Variants in MMEL1 observed in about 807,000 individuals in gnomAD.
MMEL1 encodes the protein membrane metallo-endopeptidase-like 1.
A neutral mutation model predicts 117.1 loss-of-function variants in MMEL1; 98 were observed. The ratio of observed to expected loss-of-function variants is 0.84; its 90% CI spans 0.71 to 0.99. MMEL1 has a LOEUF of 0.99. MMEL1 is among the 50% of genes least tolerant of loss of function. MMEL1 has a pLI of 0.00. For synonymous variants in MMEL1, 390 were observed against 415.1 expected (o/e 0.94, Z 0.74); for missense variants, 1,014 against 1,049.1 (o/e 0.97, Z 0.46).
chr1:2,626,722 GT>G (rs1470900057), intron 2 of MMEL1, among the ~76,000 whole-genome samples: 1 of 152,104 alleles, frequency 6.6e-6, no homozygotes, highest in Non-Finnish European at 1.5e-5. Context: ...ATAAAAGAAA[GT>G]TTATAACTTT....
At chr1:2,604,007 G>C (rs908485113) in intron 10 of MMEL1, 34 bp from the exon 11 acceptor site, 13 of 1,608,862 alleles carry the variant, frequency 8.1e-6, no homozygotes, top group Non-Finnish European at 1.1e-5. Context: ...CGGGCGGGTG[G>C]CCAGGATGCC....
At chr1:2,615,515 C>A (rs989341132) in intron 2 of MMEL1, among the ~76,000 whole-genome samples, 4 of 152,072 alleles carry the variant, frequency 2.6e-5, no homozygotes, top group African/African-American at 4.8e-5. Context: ...CCAAGAGGAG[C>A]CTGAGAAGAT....
chr1:2,594,061 C>A (rs1279473743), intron 18 of MMEL1, 128 bp from the exon 19 acceptor site: 28 of 1,270,692 alleles, frequency 2.2e-5, no homozygotes, highest in Non-Finnish European at 2.9e-5. Context: ...GGTCAGGATT[C>A]CCTCAATTTA....
chr1:2,592,786 TG>T (rs773789851), intron 20 of MMEL1, 46 bp downstream of exon 20: 4 of 1,611,682 alleles, frequency 2.5e-6, no homozygotes, highest in Non-Finnish European at 3.4e-6. Context: ...GGGCCAGGGC[TG>T]GGGCTCCGGT....
rs1242247841 is a variant in MMEL1, at chr1:2,606,135, C to T, written c.750+113G>A. 6.1e-6 allele frequency: 5 copies of T among 815,094 alleles called. No individual in the cohort carries two copies. The African/African-American group carries it at 8.4e-5, about 14-fold the overall frequency. 50.5% of individuals were successfully genotyped at this position (815,094 alleles called of 1,614,324 possible). A position where few individuals can be genotyped will look rare whatever the true frequency, so the allele number is the denominator to read the frequency against. On this transcript the variant is annotated intron_variant, in intron 8 of 23. Transcript: ENST00000378412. ...TGGACAGGAGCCAGGAGCCCAGGTC[C>T]CAGGAGACCCCGGAGCTCCCTGTCG...
intron 6 of MMEL1, among the ~76,000 whole-genome samples, chr1:2,608,722 T>C (rs769454422): frequency 2.6e-5 from 4 of 151,960 alleles, no homozygotes; most frequent in African/African-American, 4.8e-5. Context: ...ATATACACTA[T>C]ACACAATACA....
intron 18 of MMEL1, chr1:2,594,166 G>T: frequency 1.6e-5 from 12 of 771,210 alleles, no homozygotes; most frequent in Non-Finnish European, 2.3e-5. Flanking sequence ...TGTTCTGCCT[G>T]CAGGAAAGGC....
At chr1:2,607,919 G>A (rs970936144) in intron 6 of MMEL1, among the ~76,000 whole-genome samples, 10 of 152,158 alleles carry the variant, frequency 6.6e-5, no homozygotes, top group Non-Finnish European at 1.2e-4. Context: ...GGGGAGTGCC[G>A]TCTGACCTCC....
rs749308935 is a variant in MMEL1, at chr1:2,598,873, G to T, written c.1042-83C>A. On this transcript the variant is annotated intron_variant, in intron 11 of 23. Coordinates refer to ENST00000378412, the MANE Select transcript of MMEL1 (RefSeq NM_033467.4). ...TGGGAATCTAAGAAACCCAGCCCCT[G>T]TTGAAGAATGTTCAAGGAATAAGAG... 9.2e-6 allele frequency: 11 copies of T among 1,197,974 alleles called. No individual in the cohort carries two copies. The South Asian group carries it at 1.0e-4, about 11-fold the overall frequency. 74.2% of individuals were successfully genotyped at this position (1,197,974 alleles called of 1,614,324 possible).
At position 2,627,238 on chromosome 1, in the gene MMEL1, C is replaced by T. The variant is rs1268263226; in HGVS notation, c.154+2093G>A. The stretch of plus-strand genomic sequence containing the variant: ...ATTTTATAATTCATACCTAAATTTG[C>T]GTTCACATAGTAATATCGCCTTAAA... On this transcript the variant is annotated intron_variant, in intron 2 of 23. Transcript: ENST00000378412. Among the ~76,000 whole-genome samples, 5 of 152,166 alleles carry T rather than the reference C, an allele frequency of 3.3e-5. No individual in the cohort carries two copies. The South Asian group carries it at 8.3e-4, about 25-fold the overall frequency.
intron 1 of MMEL1, among the ~76,000 whole-genome samples, chr1:2,631,030 TG>T (rs1342257128): frequency 2.6e-5 from 4 of 151,690 alleles, no homozygotes; most frequent in African/African-American, 9.7e-5. Context: ...TGTGCATGAT[TG>T]TGTGTGTGGG....
intron 12 of MMEL1, 40 bp from the exon 13 acceptor site, chr1:2,598,340 GAGGTCTTT>G (rs1456856202): frequency 6.3e-7 from 1 of 1,594,600 alleles, no homozygotes; most frequent in South Asian, 1.1e-5. Context: ...GAACAGGTGA[GAGGTCTTT>G]GCAAGGGAGG....
chr1:2,598,079 G>A (rs868121720), intron 13 of MMEL1, 128 bp downstream of exon 13: 7 of 830,558 alleles, frequency 8.4e-6, no homozygotes, highest in Admixed American at 6.1e-5. Flanking sequence ...TGGGGTGGGC[G>A]CCTCGCCCTG....
chr1:2,620,873 G>A (rs921708451), intron 2 of MMEL1, among the ~76,000 whole-genome samples: 1 of 152,110 alleles, frequency 6.6e-6, no homozygotes, highest in African/African-American at 2.4e-5. Flanking sequence ...TCAGGCAAGG[G>A]CATTCCAAAG....
rs564810225 is a variant in MMEL1, at chr1:2,606,280, C to T, written c.718G>A (p.Asp240Asn). The change falls in exon 8 of 24, where the codon GAC becomes AAC. Residue 240 changes from aspartate (D) to asparagine (N), a missense_variant. By Grantham distance (23) the Asp-to-Asn change is conservative. Transcript: ENST00000378412. Reference protein sequence around the residue: ...RVLIDLFIWNDDQNSSRHIIY... With the variant: ...RVLIDLFIWNNDQNSSRHIIY... ...ATGTGCCGGCTGGAGTTCTGGTCGTCGTTCCAGATGAAGAGGTCGATGAGG... is the reference window on the plus strand; with the variant it reads ...ATGTGCCGGCTGGAGTTCTGGTCGTTGTTCCAGATGAAGAGGTCGATGAGG... The T allele has an allele frequency of 1.2e-5, 20 of 1,613,232 alleles. No homozygotes were observed. The Admixed American group carries it at 1.3e-4, about 11-fold the overall frequency.
At chr1:2,618,468 G>A (rs542691673) in intron 2 of MMEL1, among the ~76,000 whole-genome samples, 1 of 152,326 alleles carries the variant, frequency 6.6e-6, no homozygotes, top group South Asian at 2.1e-4. Context: ...CAATCTTGAT[G>A]TAAATAATTT....
chr1:2,614,951 G>A lies in MMEL1; in HGVS notation c.155-2747C>T, dbSNP rs186109304. On this transcript the variant is annotated intron_variant, in intron 2 of 23. Transcript: ENST00000378412. ...CACGATAATGGGGATACATCAGAGG[G>A]TCATAGAAGCAACTGACAACTCCCA... Among the ~76,000 whole-genome samples, 5 of 152,006 alleles carry A rather than the reference G, an allele frequency of 3.3e-5. No homozygotes were observed. The East Asian group carries it at 9.7e-4, about 29-fold the overall frequency.
chr1:2,598,069 TG>T, intron 13 of MMEL1, 137 bp downstream of exon 13: 1 of 751,476 alleles, frequency 1.3e-6, no homozygotes. Flanking sequence ...CACTCCCCAC[TG>T]GGGTGGGCGC....
At chr1:2,606,930 C>T (rs1645038302) in intron 7 of MMEL1, 44 bp downstream of exon 7, 1 of 1,538,652 alleles carries the variant, frequency 6.5e-7, no homozygotes, top group Non-Finnish European at 8.9e-7. Context: ...TGGTCCTGGT[C>T]CTCCTTTGTC....
Sources: gnomAD v4.1 joint callset for allele counts (sites outside exome capture counted in the v4.1 genomes callset) on GRCh38, gnomAD v4.1.1 for gene constraint, MANE v1.5 for transcripts, NCBI Gene and HGNC (gene_info 2026-07-23, HGNC 2026-07-21) for gene names.